The following TMPRSS3 variants were observed in gnomAD, a reference collection of about 807,000 sequenced individuals.
TMPRSS3 encodes the protein transmembrane serine protease 3.
In TMPRSS3, 55 loss-of-function variants were observed where a neutral mutation model predicts 59.6. The ratio of observed to expected loss-of-function variants is 0.92; its 90% CI spans 0.74 to 1.16. TMPRSS3 has a LOEUF of 1.16. Ranked by LOEUF, TMPRSS3 falls within the 50% of genes most tolerant of loss-of-function variation. The pLI is 0.00. For synonymous variants in TMPRSS3, 257 were observed against 237.7 expected, an observed-to-expected ratio of 1.08 and a Z score of -0.75; for missense variants, 596 against 579.4, an observed-to-expected ratio of 1.03 and a Z score of -0.29.
Position 42,372,738 on chromosome 21 carries a change from G to A in TMPRSS3, c.*24C>T. On this transcript the variant is annotated 3_prime_UTR_variant, in exon 13 of 13. Coordinates refer to ENST00000644384, the MANE Select transcript of TMPRSS3 (RefSeq NM_001256317.3). Reference sequence around the variant, plus strand: ...CTGTCTTCATCACCTCAGGAACTCAGGTGGCTACTTGTCCCCTTCCTCTTC... The same window carrying A: ...CTGTCTTCATCACCTCAGGAACTCAAGTGGCTACTTGTCCCCTTCCTCTTC... The A allele has an allele frequency of 1.2e-6, 2 of 1,613,952 alleles. No individual in the cohort carries two copies. Among genetic ancestry groups the A allele is most frequent in the African/African-American group, 1.3e-5 (1 of 75,018 alleles).
At position 42,375,807 on chromosome 21, in the gene TMPRSS3, G is replaced by A; in HGVS notation, c.1253C>T (p.Thr418Ile). 1 of 1,613,828 alleles carries A rather than the reference G, an allele frequency of 6.2e-7. No individual in the cohort carries two copies. Among genetic ancestry groups the A allele is most frequent in the Non-Finnish European group, 8.5e-7 (1 of 1,180,014 alleles). Residue 418 changes from threonine (T) to isoleucine (I), a missense_variant, in exon 12 of 13, where the codon ACC (threonine) becomes ATC (isoleucine). Physicochemically the swap from Thr to Ile is moderately conservative, Grantham distance 89. Transcript: ENST00000644384. ...CTCTGCGCAGCCGATGCCAAAGCTG[G>A]TCGCTCCCACTAACTTCCACAGCCT... ...ERRLWKLVGA[T>I]SFGIGCAEVN... is the part of the protein sequence containing the mutation.
At position 42,390,037 on chromosome 21, in the gene TMPRSS3, T is replaced by A. The variant is rs1470624068; in HGVS notation, c.95A>T (p.Asp32Val). The change falls in exon 3 of 13, where the codon GAT becomes GTT. Residue 32 changes from aspartate (D) to valine (V), a missense_variant and splice_region_variant. Transcript: ENST00000644384. Reference protein sequence around the residue: ...DDLKISPVAPDADAVAAQILS... With the variant: ...DDLKISPVAPVADAVAAQILS... ...GATCTGTGCAGCAACAGCATCTGCA[T>A]CTGAAAACCAGAAAAAGGAAGAGCA... 1 of 1,612,488 alleles carries A rather than the reference T, an allele frequency of 6.2e-7. No individual in the cohort carries two copies.
rs2052678008 is a variant in TMPRSS3 at position 42,388,699 on chromosome 21, G to A, written c.323-173C>T. 6.6e-6 allele frequency among the ~76,000 whole-genome samples: 1 copy of A among 152,100 alleles called. No individual in the cohort carries two copies. Among genetic ancestry groups the A allele is most frequent in the South Asian group, 2.1e-4 (1 of 4,818 alleles). ...TGACTCTGGATCCCTGAGACTTCTC[G>A]CTGGTCTCATCTTATTGCTTATGTG... is the stretch of plus-strand genomic sequence containing the variant. On this transcript the variant is annotated intron_variant, in intron 4 of 12. Coordinates refer to ENST00000644384, the MANE Select transcript of TMPRSS3 (RefSeq NM_001256317.3). The surrounding 1 kb of genome is among the most constrained non-coding windows in gnomAD (Gnocchi z 5.1).
At chr21:42,374,607 C>G (rs2052389096) in intron 12 of TMPRSS3, among the ~76,000 whole-genome samples, 1 of 152,096 alleles carries the variant, frequency 6.6e-6, no homozygotes, top group African/African-American at 2.4e-5. Flanking sequence ...TAACTGCGTG[C>G]TTCTAGGGTG....
In TMPRSS3 at chr21:42,388,778, CAACATGTCTTTGGGCA is replaced by C. The variant is rs2052680843; in HGVS notation, c.322+135_322+150del. 2 of 910,132 alleles carry C rather than the reference CAACATGTCTTTGGGCA, an allele frequency of 2.2e-6. No individual in the cohort carries two copies. 56.4% of individuals were successfully genotyped at this position (910,132 alleles called of 1,614,324 possible). A position where few individuals can be genotyped will look rare whatever the true frequency, so the allele number is the denominator to read the frequency against. The stretch of plus-strand genomic sequence containing the variant: ...GAAGGCCCTCCCTGACCCCCCAGCC[CAACATGTCTTTGGGCA>C]AACGCCAGTTCAATCCCAGCTGAAG... On this transcript the variant is annotated intron_variant, in intron 4 of 12. Coordinates refer to ENST00000644384, the MANE Select transcript of TMPRSS3 (RefSeq NM_001256317.3). The surrounding 1 kb of genome is among the most constrained non-coding windows in gnomAD (Gnocchi z 5.1).
intron 6 of TMPRSS3, among the ~76,000 whole-genome samples, chr21:42,384,498 AC>A (rs2052591496): frequency 1.3e-5 from 2 of 151,968 alleles, no homozygotes; most frequent in Non-Finnish European, 2.9e-5. Context: ...TGACACTCCT[AC>A]CCCCACCCCC....
chr21:42,376,810 C>G (rs564663766), intron 10 of TMPRSS3, 127 bp from the exon 11 acceptor site: 1 of 1,431,046 alleles, frequency 7.0e-7, no homozygotes, highest in East Asian at 2.3e-5. Context: ...TGTGTCGCAA[C>G]AGCGGAAAAG....
In TMPRSS3 at chr21:42,383,138, G is replaced by A. The variant is rs763150678; in HGVS notation, c.677C>T (p.Ser226Leu). The change falls in exon 8 of 13, where the codon TCG (serine) becomes TTG (leucine). Residue 226 changes from serine to leucine, a missense_variant. Physicochemically the swap from Ser to Leu is moderately radical, Grantham distance 145 (BLOSUM62 -2). Transcript: ENST00000644384. ...AAGGCTGGCCTGCCAGGGCCACTGC[G>A]AGAGCAAGGACATGTTTCCACCCAC... is the stretch of plus-strand genomic sequence containing the variant. ...RIVGGNMSLL[S>L]QWPWQASLQF... 20 of 1,614,214 alleles carry A rather than the reference G, an allele frequency of 1.2e-5. No individual in the cohort carries two copies. The highest frequency in any genetic ancestry group is 3.3e-5 in the South Asian group (3 of 91,092).
chr21:42,385,047 CCCTT>C (rs71190416), intron 6 of TMPRSS3, among the ~76,000 whole-genome samples: 1 of 92,088 alleles, frequency 1.1e-5, no homozygotes, highest in South Asian at 3.3e-4. Flanking sequence ...CTCCCTCCCT[CCCTT>C]CCTTCCTCCC....
intron 9 of TMPRSS3, among the ~76,000 whole-genome samples, chr21:42,381,049 A>G (rs2052520131): frequency 6.6e-6 from 1 of 152,228 alleles, no homozygotes; most frequent in African/African-American, 2.4e-5. Context: ...GGATGCAGTA[A>G]TGACTCTGCC....
chr21:42,388,433 T>C lies in TMPRSS3; in HGVS notation c.416A>G (p.Asn139Ser), dbSNP rs1255143070. 1.2e-6 allele frequency: 2 copies of C among 1,614,212 alleles called. No individual in the cohort carries two copies. The highest frequency in any genetic ancestry group is 8.5e-7 in the Non-Finnish European group (1 of 1,180,034). The change falls in exon 5 of 13, where the codon AAT becomes AGT. Residue 139 changes from asparagine to serine, a missense_variant. Asn to Ser is a conservative substitution (Grantham distance 46). Transcript: ENST00000644384. This position sits in a 1 kb window ranked among gnomAD's most constrained non-coding sequence, Gnocchi z 5.1. ...GAAACCCAGTTGGGCACAGGCAACA[T>C]TTGCGTAGTGACCCTTCCAGTCATC... The part of the protein sequence containing the change: ...CSDDWKGHYA[N>S]VACAQLGFPS...
intron 9 of TMPRSS3, 86 bp downstream of exon 9, chr21:42,381,979 C>T (rs770987312): frequency 6.7e-7 from 1 of 1,498,392 alleles, no homozygotes; most frequent in African/African-American, 1.4e-5. Context: ...TATAAAGCAG[C>T]CATCATAAGA....
intron 10 of TMPRSS3, among the ~76,000 whole-genome samples, chr21:42,377,395 C>T (rs1269504491): frequency 6.6e-6 from 1 of 152,216 alleles, no homozygotes; most frequent in Non-Finnish European, 1.5e-5. Flanking sequence ...GCAGTGTGGG[C>T]AGAGTGCAGA....
At chr21:42,387,471 T>C (rs574485538) in intron 5 of TMPRSS3, among the ~76,000 whole-genome samples, 20 of 152,204 alleles carry the variant, frequency 1.3e-4, no homozygotes, top group Admixed American at 1.3e-3. Context: ...TTTGCTCTTC[T>C]CATTGAACTT....
At chr21:42,382,911 A>G (rs1415169949) in intron 8 of TMPRSS3, 122 bp downstream of exon 8, 22 of 1,195,904 alleles carry the variant, frequency 1.8e-5, no homozygotes, top group Non-Finnish European at 2.5e-5. Context: ...CCAACTGTAC[A>G]TTACTTGGAG....
chr21:42,393,356 T>C (rs225315), intron 2 of TMPRSS3, among the ~76,000 whole-genome samples: 58,583 of 152,088 alleles, frequency 0.39, 12,309 homozygotes, highest in African/African-American at 0.56. Flanking sequence ...AAGGAAATGG[T>C]CCCCCACCTA....
At chr21:42,380,275 A>C in intron 9 of TMPRSS3, 63 bp from the exon 10 acceptor site, 1 of 1,381,166 alleles carries the variant, frequency 7.2e-7, no homozygotes, top group Non-Finnish European at 1.0e-6. Context: ...AAACAATCTC[A>C]TCTATGCTTC....
chr21:42,373,841 G>A (rs2052376605), intron 12 of TMPRSS3, among the ~76,000 whole-genome samples: 1 of 152,178 alleles, frequency 6.6e-6, no homozygotes. Context: ...GAACCGTTGT[G>A]AGCGGGCTCC....
Position 42,382,250 on chromosome 21 carries a change from C to T in TMPRSS3, c.783-16G>A, listed in dbSNP as rs367581004. 3.1e-6 allele frequency: 5 copies of T among 1,612,556 alleles called. No homozygotes were observed. Among genetic ancestry groups the T allele is most frequent in the Non-Finnish European group, 4.2e-6 (5 of 1,179,014 alleles). Reference sequence around the variant, plus strand: ...GAGGTACAAGCTGAAATGAGAAGAGCAAGAGGTGAAGCACAGGAAAAGTCC... The same window carrying T: ...GAGGTACAAGCTGAAATGAGAAGAGTAAGAGGTGAAGCACAGGAAAAGTCC... On this transcript the variant is annotated splice_polypyrimidine_tract_variant and intron_variant, in intron 8 of 12. Coordinates refer to ENST00000644384, the MANE Select transcript of TMPRSS3 (RefSeq NM_001256317.3).
Sources: gnomAD v4.1 joint callset for allele counts (sites outside exome capture counted in the v4.1 genomes callset) on GRCh38, gnomAD v4.1.1 for gene constraint, Gnocchi (gnomAD v3.1) non-coding constraint, MANE v1.5 for transcripts, NCBI Gene and HGNC (gene_info 2026-07-23, HGNC 2026-07-21) for gene names.